THADA: variants seen among roughly 807,000 people sequenced by gnomAD.
The protein encoded by THADA is tRNA (32-2'-O)-methyltransferase regulator THADA.
Under a neutral mutation model 219.8 loss-of-function variants are expected in THADA, and 213 were observed. The ratio of observed to expected loss-of-function variants is 0.97; its 90% CI spans 0.87 to 1.09. THADA has a LOEUF of 1.09. THADA is among the 50% of genes least tolerant of loss of function. The pLI, the probability that THADA is intolerant of heterozygous loss-of-function variation, is 0.00. For synonymous variants in THADA, 1,018 were observed against 828.9 expected (o/e 1.23, Z -3.92); for missense variants, 2,956 against 2,311.3 (o/e 1.28, Z -5.72).
intron 31 of THADA, among the ~76,000 whole-genome samples, chr2:43,309,524 T>C (rs991248860): frequency 3.9e-5 from 6 of 152,172 alleles, no homozygotes; most frequent in Non-Finnish European, 8.8e-5. Context: ...TCACACCATA[T>C]TGACAGAATG....
chr2:43,457,486 A>G lies in THADA; in HGVS notation c.3837-27184T>C, dbSNP rs142175274. Among the ~76,000 whole-genome samples the G allele has an allele frequency of 5.7e-3, 861 of 152,320 alleles. 3 individuals carry two copies. Among genetic ancestry groups the G allele is most frequent in the South Asian group, 0.014 (68 of 4,832 alleles). The stretch of plus-strand genomic sequence containing the variant: ...AGTCAATCTTAACAGTTTTCCAAAA[A>G]CACCTTCAAATTTGCCAGGAAACAA... On this transcript the variant is annotated intron_variant, in intron 26 of 37. Transcript: ENST00000405975.
intron 36 of THADA, among the ~76,000 whole-genome samples, chr2:43,248,164 TAGAGAGAGAGAGAGAGAGAGAGAGAG>T (rs70963389): frequency 9.8e-5 from 4 of 40,948 alleles, no homozygotes; most frequent in African/African-American, 2.4e-4. Flanking sequence ...TATATATATA[TAGAGAGAGAGAGAGAGAGAGAGAGAG>T]AGAGAGAGAG....
chr2:43,567,658 C>T (rs1384152753), intron 14 of THADA, among the ~76,000 whole-genome samples: 1 of 152,190 alleles, frequency 6.6e-6, no homozygotes, highest in Admixed American at 6.5e-5. Flanking sequence ...TAAGAAGTAT[C>T]ATTCAAACCG....
intron 29 of THADA, among the ~76,000 whole-genome samples, chr2:43,371,712 T>C (rs1415010951): frequency 2.6e-5 from 4 of 152,198 alleles, no homozygotes; most frequent in Admixed American, 1.3e-4. Flanking sequence ...AAATTAAACC[T>C]TCACAGTTTC....
intron 4 of THADA, among the ~76,000 whole-genome samples, chr2:43,590,063 A>C (rs557166852): frequency 2.0e-5 from 3 of 152,198 alleles, no homozygotes; most frequent in African/African-American, 7.2e-5. Flanking sequence ...GAAGGTCTAG[A>C]AAGATAAATA....
chr2:43,311,809 C>T (rs1458638342), intron 31 of THADA, among the ~76,000 whole-genome samples: 2 of 152,198 alleles, frequency 1.3e-5, no homozygotes, highest in Non-Finnish European at 2.9e-5. Context: ...CTTTCAAAAA[C>T]TACTTGCATA....
At chr2:43,480,731 T>A (rs892824058) in intron 26 of THADA, among the ~76,000 whole-genome samples, 1 of 151,394 alleles carries the variant, frequency 6.6e-6, no homozygotes, top group East Asian at 1.9e-4. Flanking sequence ...GGCAGGAGAA[T>A]TGCGTGAACC....
intron 20 of THADA, among the ~76,000 whole-genome samples, chr2:43,543,906 T>C (rs1412738475): frequency 6.6e-6 from 1 of 152,034 alleles, no homozygotes; most frequent in Non-Finnish European, 1.5e-5. Context: ...TTGGCTTTTG[T>C]TGCCATTGCT....
intron 21 of THADA, among the ~76,000 whole-genome samples, chr2:43,539,768 T>C (rs1330286503): frequency 6.6e-6 from 1 of 152,220 alleles, no homozygotes; most frequent in East Asian, 1.9e-4. Flanking sequence ...GAAGAATTCT[T>C]TGGTTTATAA....
intron 30 of THADA, among the ~76,000 whole-genome samples, chr2:43,342,596 GC>G (rs1667182014): frequency 6.6e-6 from 1 of 152,172 alleles, no homozygotes. Flanking sequence ...TGGCCACTTG[GC>G]AAAATTCTGG....
intron 26 of THADA, among the ~76,000 whole-genome samples, chr2:43,460,896 T>C (rs547177024): frequency 9.2e-5 from 14 of 152,198 alleles, no homozygotes; most frequent in Non-Finnish European, 1.5e-4. Flanking sequence ...TAAAGTATTC[T>C]AGGTGAAGCT....
At chr2:43,339,010 G>T (rs1396471891) in intron 30 of THADA, among the ~76,000 whole-genome samples, 1 of 151,946 alleles carries the variant, frequency 6.6e-6, no homozygotes, top group Non-Finnish European at 1.5e-5. Context: ...AAAAAGGAAG[G>T]AAGCTATAAC....
intron 36 of THADA, among the ~76,000 whole-genome samples, chr2:43,244,617 A>T (rs1410159601): frequency 6.6e-6 from 1 of 152,216 alleles, no homozygotes; most frequent in Non-Finnish European, 1.5e-5. Context: ...AAGGGACAGC[A>T]GAGCAAGCAG....
In THADA at chr2:43,230,853, G is replaced by C; in HGVS notation, c.*95C>G. The C allele has an allele frequency of 7.2e-7, 1 of 1,390,392 alleles. No individual in the cohort carries two copies. The highest frequency in any genetic ancestry group is 9.7e-7 in the Non-Finnish European group (1 of 1,034,618). The allele number at this position is 1,390,392 out of a possible 1,614,324, so 86.1% of individuals were successfully genotyped here. ...CACAGAAGTAGGGGAGGCATGAATG[G>C]GATAAAATTTTTGAATTTATGTTCA... On this transcript the variant is annotated 3_prime_UTR_variant, in exon 38 of 38. Coordinates refer to ENST00000405975, the MANE Select transcript of THADA (RefSeq NM_022065.5).
chr2:43,454,602 A>AACAC (rs35970227), intron 26 of THADA, among the ~76,000 whole-genome samples: 2,202 of 149,054 alleles, frequency 0.015, 17 homozygotes, highest in Non-Finnish European at 0.023. Context: ...ACCCTGTCTA[A>AACAC]ACACACACAC....
At chr2:43,472,372 TCA>T (rs1403191919) in intron 26 of THADA, among the ~76,000 whole-genome samples, 1 of 152,226 alleles carries the variant, frequency 6.6e-6, no homozygotes, top group African/African-American at 2.4e-5. Context: ...AGAAATTACT[TCA>T]CCATTGAAAC....
chr2:43,539,670 T>A (rs13409166), intron 21 of THADA, among the ~76,000 whole-genome samples: 2,852 of 152,286 alleles, frequency 0.019, 100 homozygotes, highest in African/African-American at 0.065. Flanking sequence ...AATGGCAACA[T>A]AGAAAAATGA....
intron 29 of THADA, among the ~76,000 whole-genome samples, chr2:43,361,799 T>C (rs1003012514): frequency 2.0e-5 from 3 of 152,224 alleles, no homozygotes; most frequent in African/African-American, 7.2e-5. Flanking sequence ...AGGTTGCCCT[T>C]TTTATCATAA....
intron 29 of THADA, among the ~76,000 whole-genome samples, chr2:43,358,788 C>T (rs1669156864): frequency 6.6e-6 from 1 of 152,174 alleles, no homozygotes; most frequent in Non-Finnish European, 1.5e-5. Flanking sequence ...TTCCAATGCA[C>T]TGTGGGAACA....
Sources: gnomAD v4.1 joint callset for allele counts (sites outside exome capture counted in the v4.1 genomes callset) on GRCh38, gnomAD v4.1.1 for gene constraint, MANE v1.5 for transcripts, NCBI Gene and HGNC (gene_info 2026-07-23, HGNC 2026-07-21) for gene names.